Variants in DUSP18 observed in about 807,000 individuals in gnomAD.
The protein encoded by DUSP18 is dual specificity protein phosphatase 18.
Under a neutral mutation model 6.3 loss-of-function variants are expected in DUSP18, and 4 were observed. That is an observed-to-expected ratio of 0.63 (90% CI 0.31 to 1.45). The LOEUF is 1.45. DUSP18 is among the 40% of genes most tolerant of loss of function. The pLI, the probability that DUSP18 is intolerant of heterozygous loss-of-function variation, is 0.07. For missense variants in DUSP18, 235 were observed against 247.7 expected, an observed-to-expected ratio of 0.95 and a Z score of 0.34; for synonymous variants, 96 against 95.1, an observed-to-expected ratio of 1.01 and a Z score of -0.05.
chr22:30,661,187 C>G (rs566685268), downstream of DUSP18, among the ~76,000 whole-genome samples: 2 of 152,162 alleles, frequency 1.3e-5, no homozygotes, highest in African/African-American at 4.8e-5. Flanking sequence ...GAAAAAAAAT[C>G]TACAATAGCC....
intron 2 of DUSP18, among the ~76,000 whole-genome samples, chr22:30,652,581 T>A (rs2145589070): frequency 6.6e-6 from 1 of 152,184 alleles, no homozygotes; most frequent in South Asian, 2.1e-4. Context: ...CAAGATGGAG[T>A]CAATTAAGTT....
intron 2 of DUSP18, chr22:30,653,790 AAATC>A (rs1316453531): frequency 6.6e-6 from 1 of 152,204 alleles, no homozygotes; most frequent in Non-Finnish European, 1.5e-5. Context: ...CTGGAGCCCA[AAATC>A]AATCAAGCCA....
rs186149797 is a variant in DUSP18 at position 30,667,332 on chromosome 22, T to C, written c.-78+130A>G. 4.6e-5 allele frequency: 7 copies of C among 152,372 alleles called. No homozygotes were observed. The South Asian group carries it at 8.3e-4, about 18-fold the overall frequency. 9.4% of individuals were successfully genotyped at this position (152,372 alleles called of 1,614,324 possible). A position where few individuals can be genotyped will look rare whatever the true frequency, so the allele number is the denominator to read the frequency against. ...TTCGTGAAATACTAAGTTATAAACATGGAACAAAGTCCAAGAGTTAACGAG... is the reference window on the plus strand; with the variant it reads ...TTCGTGAAATACTAAGTTATAAACACGGAACAAAGTCCAAGAGTTAACGAG... On this transcript the variant is annotated intron_variant, in intron 1 of 1. Transcript: ENST00000334679.
Position 30,653,270 on chromosome 22 carries a change from T to TG in DUSP18, c.*34-974dup, listed in dbSNP as rs200512858. Among the ~76,000 whole-genome samples the TG allele has an allele frequency of 7.5e-3, 1,135 of 152,212 alleles. 15 individuals carry two copies. Among genetic ancestry groups the TG allele is most frequent in the African/African-American group, 0.026 (1,085 of 41,514 alleles). ...CCACTGCCCTGAACCCTTCGGCTAT[T>TG]GGGGGGCCACCCTGTTCTCTATGCC... On this transcript the variant is annotated intron_variant, in intron 2 of 2. Transcript: ENST00000404885.
intron 1 of DUSP18, chr22:30,667,227 T>A (rs945989071): frequency 2.6e-5 from 4 of 152,230 alleles, no homozygotes; most frequent in African/African-American, 7.2e-5. Flanking sequence ...AAAGGACTTG[T>A]TCAGAACGAG....
At chr22:30,657,030 C>T (rs561030966), downstream of DUSP18, among the ~76,000 whole-genome samples, 1 of 152,170 alleles carries the variant, frequency 6.6e-6, no homozygotes, top group South Asian at 2.1e-4. Flanking sequence ...GAAAAAAATG[C>T]TCAGGAGGAA....
intron 2 of DUSP18, chr22:30,654,606 G>T: frequency 2.1e-6 from 1 of 465,682 alleles, no homozygotes; most frequent in Admixed American, 2.4e-5. Context: ...TGGGGGCCCA[G>T]AAGTGGTAGG....
At chr22:30,653,665 C>T (rs979739027) in intron 2 of DUSP18, among the ~76,000 whole-genome samples, 14 of 152,218 alleles carry the variant, frequency 9.2e-5, no homozygotes, top group Admixed American at 5.9e-4. Flanking sequence ...TGAGCCACCA[C>T]GCCTGGCCGC....
chr22:30,658,801 G>GC (rs753998525), downstream of DUSP18, among the ~76,000 whole-genome samples: 3 of 152,146 alleles, frequency 2.0e-5, no homozygotes, highest in Non-Finnish European at 4.4e-5. Context: ...ACTGCTCACT[G>GC]GGGGGCATAA....
intron 2 of DUSP18, chr22:30,654,619 C>T (rs1243540991): frequency 2.2e-6 from 1 of 462,844 alleles, no homozygotes; most frequent in African/African-American, 2.0e-5. Flanking sequence ...GTGGTAGGTG[C>T]CTCGGGAAGG....
rs759046552 is a variant in DUSP18, at chr22:30,663,387, C to A, written c.*50G>T. The A allele has an allele frequency of 6.5e-7, 1 of 1,527,402 alleles. No individual in the cohort carries two copies. The highest frequency in any genetic ancestry group is 1.4e-5 in the African/African-American group (1 of 72,660). 94.6% of individuals were successfully genotyped at this position (1,527,402 alleles called of 1,614,324 possible). ...TCAAGTTTGGATCTTGGTGTAAGAT[C>A]AACAATAGATCTGTACCTCTGACTC... is the stretch of plus-strand genomic sequence containing the variant. On this transcript the variant is annotated 3_prime_UTR_variant, in exon 2 of 2. Transcript: ENST00000334679.
At chr22:30,659,113 G>GT (rs2088405335), downstream of DUSP18, among the ~76,000 whole-genome samples, 1 of 118,162 alleles carries the variant, frequency 8.5e-6, no homozygotes, top group South Asian at 3.1e-4. Context: ...GACACAGCGA[G>GT]ACTCCATCTC....
chr22:30,657,565 C>T (rs947713662), downstream of DUSP18, among the ~76,000 whole-genome samples: 3 of 151,700 alleles, frequency 2.0e-5, no homozygotes, highest in African/African-American at 4.8e-5. Flanking sequence ...TTGAGACCAG[C>T]CTGGGAAATA....
rs1474021177 is a variant in DUSP18 at position 30,662,015 on chromosome 22, G to A, written c.*1422C>T. On this transcript the variant is annotated 3_prime_UTR_variant, in exon 2 of 2. Coordinates refer to ENST00000334679, the MANE Select transcript of DUSP18 (RefSeq NM_152511.5). ...CTAGGCCTCCTGTGAGGTAGGGTCT[G>A]AAAGGACTTAAACCATTTTTTTTTT... 1 of 146,006 alleles carries A rather than the reference G, an allele frequency of 6.8e-6. No individual in the cohort carries two copies. The highest frequency in any genetic ancestry group is 2.5e-5 in the African/African-American group (1 of 39,944). 9.0% of individuals were successfully genotyped at this position (146,006 alleles called of 1,614,324 possible).
chr22:30,654,631 TTGC>T, intron 2 of DUSP18: 1 of 454,510 alleles, frequency 2.2e-6, no homozygotes, highest in Non-Finnish European at 4.3e-6. Context: ...TCGGGAAGGG[TTGC>T]TGTTCATCCA....
At chr22:30,664,171 T>G in intron 1 of DUSP18, 91 bp from the exon 2 acceptor site, 2 of 638,800 alleles carry the variant, frequency 3.1e-6, no homozygotes, top group Non-Finnish European at 5.5e-6. Context: ...GCTTATAGCA[T>G]TCCCCAAGGC....
chr22:30,654,498 A>C, intron 2 of DUSP18: 1 of 433,670 alleles, frequency 2.3e-6, no homozygotes, highest in Non-Finnish European at 4.6e-6. Flanking sequence ...ATGCCGTTAA[A>C]CACCTTGAGG....
At chr22:30,654,605 A>G in intron 2 of DUSP18, 1 of 466,000 alleles carries the variant, frequency 2.1e-6, no homozygotes, top group Non-Finnish European at 4.3e-6. Context: ...GTGGGGGCCC[A>G]GAAGTGGTAG....
At chr22:30,666,342 T>G (rs1276486732) in intron 1 of DUSP18, among the ~76,000 whole-genome samples, 1 of 152,132 alleles carries the variant, frequency 6.6e-6, no homozygotes, top group African/African-American at 2.4e-5. Flanking sequence ...CTATCAGGGC[T>G]GGGCACGGTG....
Sources: gnomAD v4.1 joint callset for allele counts (sites outside exome capture counted in the v4.1 genomes callset) on GRCh38, gnomAD v4.1.1 for gene constraint, MANE v1.5 for transcripts, NCBI Gene and HGNC (gene_info 2026-07-23, HGNC 2026-07-21) for gene names.